LYZL4: variants seen among roughly 807,000 people sequenced by gnomAD.
LYZL4 encodes lysozyme like 4.
LYZL4 carries 13 observed loss-of-function variants against 17.6 expected under a neutral mutation model. The observed-to-expected ratio is 0.74, with a 90% CI of 0.48 to 1.18. LYZL4 has a LOEUF of 1.18. Ranked by LOEUF, LYZL4 falls within the 50% of genes most tolerant of loss-of-function variation. LYZL4 has a pLI of 0.00. For missense variants in LYZL4, 174 were observed against 188.2 expected, an observed-to-expected ratio of 0.92 and a Z score of 0.44; for synonymous variants, 64 against 67.7, an observed-to-expected ratio of 0.95 and a Z score of 0.27.
At position 42,397,166 on chromosome 3, in the gene LYZL4, G is replaced by T; in HGVS notation, c.*99C>A. The T allele has an allele frequency of 2.4e-6, 2 of 845,990 alleles. No homozygotes were observed. Among genetic ancestry groups the T allele is most frequent in the Non-Finnish European group, 3.8e-6 (2 of 531,732 alleles). 52.4% of individuals were successfully genotyped at this position (845,990 alleles called of 1,614,324 possible). A position where few individuals can be genotyped will look rare whatever the true frequency, so the allele number is the denominator to read the frequency against. ...TCTTTTTCCATCTGGAACTCTTAAA[G>T]TGGTGAGATCATCAAAAGGATTGAC... On this transcript the variant is annotated 3_prime_UTR_variant, in exon 5 of 5. Coordinates refer to ENST00000287748, the MANE Select transcript of LYZL4 (RefSeq NM_144634.4).
At chr3:42,389,436 A>G in the LYZL4 span, among the ~76,000 whole-genome samples, 1 of 152,182 alleles carries the variant, frequency 6.6e-6, no homozygotes, top group East Asian at 1.9e-4. Flanking sequence ...CCACAGGCGC[A>G]ATGGTAAACC....
chr3:42,391,854 T>G, the LYZL4 span, among the ~76,000 whole-genome samples: 1 of 151,872 alleles, frequency 6.6e-6, no homozygotes, highest in South Asian at 2.1e-4. Context: ...GAGAAAGTGA[T>G]AGTATATTAT....
chr3:42,408,487 C>T (rs920786073), intron 1 of LYZL4, among the ~76,000 whole-genome samples: 2 of 152,194 alleles, frequency 1.3e-5, no homozygotes, highest in Non-Finnish European at 2.9e-5. Context: ...GTGCCAACTT[C>T]TTGAATCCTG....
chr3:42,402,193 C>G (rs1452112603), intron 4 of LYZL4, among the ~76,000 whole-genome samples: 2 of 149,344 alleles, frequency 1.3e-5, no homozygotes, highest in Admixed American at 1.3e-4. Context: ...GTTGTCCTCA[C>G]TACTCGGGAG....
the LYZL4 span, among the ~76,000 whole-genome samples, chr3:42,360,850 A>T: frequency 2.6e-5 from 4 of 151,996 alleles, no homozygotes; most frequent in African/African-American, 4.8e-5. Flanking sequence ...AGATGTCTGA[A>T]TTTTTTTCTT....
chr3:42,404,948 G>A (rs2286719), intron 3 of LYZL4, among the ~76,000 whole-genome samples: 12,110 of 152,174 alleles, frequency 0.08, 732 homozygotes, highest in East Asian at 0.29. Context: ...GGCCCTGCCT[G>A]GCATTTTATA....
the LYZL4 span, among the ~76,000 whole-genome samples, chr3:42,384,601 C>T: frequency 0.042 from 6,329 of 152,140 alleles, 427 homozygotes; most frequent in African/African-American, 0.14. Context: ...ATGATAAGTA[C>T]GTAGGAAACT....
chr3:42,382,131 G>C, the LYZL4 span, among the ~76,000 whole-genome samples: 2 of 152,234 alleles, frequency 1.3e-5, no homozygotes, highest in African/African-American at 4.8e-5. Flanking sequence ...ACGGTGCTCA[G>C]TGTTGTATAT....
the LYZL4 span, among the ~76,000 whole-genome samples, chr3:42,361,299 G>A: frequency 6.6e-6 from 1 of 152,078 alleles, no homozygotes; most frequent in Non-Finnish European, 1.5e-5. Context: ...AACACATGTA[G>A]GTCTTCCTCA....
chr3:42,408,423 C>T (rs1336451190), intron 1 of LYZL4, among the ~76,000 whole-genome samples: 2 of 152,172 alleles, frequency 1.3e-5, no homozygotes, highest in Non-Finnish European at 2.9e-5. Context: ...TGCACAGGGC[C>T]CTACCATGCC....
At chr3:42,389,040 C>G in the LYZL4 span, among the ~76,000 whole-genome samples, 4 of 152,210 alleles carry the variant, frequency 2.6e-5, no homozygotes, top group African/African-American at 9.6e-5. Context: ...TATTCATTAA[C>G]TTCAAAGTGC....
intron 4 of LYZL4, among the ~76,000 whole-genome samples, chr3:42,402,347 A>G (rs567967942): frequency 2.4e-4 from 34 of 143,648 alleles, no homozygotes; most frequent in African/African-American, 8.5e-4. Flanking sequence ...TGTCTCTTAT[A>G]AAAAAAAGAT....
At chr3:42,393,947 A>G (rs933027828), downstream of LYZL4, among the ~76,000 whole-genome samples, 1 of 152,092 alleles carries the variant, frequency 6.6e-6, no homozygotes, top group Non-Finnish European at 1.5e-5. Context: ...ATCCACCACC[A>G]TACCCAGCTA....
At chr3:42,375,922 TG>T in the LYZL4 span, among the ~76,000 whole-genome samples, 1 of 152,132 alleles carries the variant, frequency 6.6e-6, no homozygotes, top group African/African-American at 2.4e-5. Flanking sequence ...TACAGGATTG[TG>T]GGAAGGATTA....
At chr3:42,391,279 A>T in the LYZL4 span, among the ~76,000 whole-genome samples, 1 of 152,342 alleles carries the variant, frequency 6.6e-6, no homozygotes, top group East Asian at 1.9e-4. Context: ...AAATATATAC[A>T]TATTTAGAAG....
At chr3:42,390,675 A>C in the LYZL4 span, among the ~76,000 whole-genome samples, 1 of 152,192 alleles carries the variant, frequency 6.6e-6, no homozygotes, top group East Asian at 1.9e-4. Context: ...TGCTTGCAAT[A>C]CTTCTGCCAG....
chr3:42,404,335 C>T (rs1698711354), intron 3 of LYZL4, among the ~76,000 whole-genome samples: 1 of 152,058 alleles, frequency 6.6e-6, no homozygotes, highest in Non-Finnish European at 1.5e-5. Flanking sequence ...ACTTGTAATT[C>T]TTATAAAATT....
the LYZL4 span, among the ~76,000 whole-genome samples, chr3:42,382,134 T>C: frequency 6.6e-6 from 1 of 152,356 alleles, no homozygotes; most frequent in Non-Finnish European, 1.5e-5. Context: ...GTGCTCAGTG[T>C]TGTATATACA....
the LYZL4 span, among the ~76,000 whole-genome samples, chr3:42,374,253 G>A: frequency 6.6e-6 from 1 of 152,156 alleles, no homozygotes; most frequent in African/African-American, 2.4e-5. Context: ...ATTTGCTGTG[G>A]GTTGCAGAGC....
Sources: allele counts gnomAD v4.1 joint callset (sites outside exome capture counted in the v4.1 genomes callset), GRCh38; gene constraint gnomAD v4.1.1; transcripts MANE v1.5; gene names NCBI Gene and HGNC (gene_info 2026-07-23, HGNC 2026-07-21).